ANKS1B: variants seen among roughly 807,000 people sequenced by gnomAD.
ANKS1B encodes the protein ankyrin repeat and sterile alpha motif domain-containing protein 1B.
Under a neutral mutation model 148.3 loss-of-function variants are expected in ANKS1B, and 36 were observed. That is an observed-to-expected ratio of 0.24 (90% confidence interval 0.19 to 0.32). The LOEUF (loss-of-function observed/expected upper bound fraction) is 0.32, where lower values mean the gene tolerates loss of function less well. Ranked by LOEUF, ANKS1B falls within the 10% of genes least tolerant of loss-of-function variation. The pLI is 1.00. For missense variants in ANKS1B, 1,157 were observed against 1,542.6 expected (o/e 0.75, Z 4.19); for synonymous variants, 542 against 560.8 (o/e 0.97, Z 0.47).
chr12:99,052,588 C>T (rs951053201), intron 17 of ANKS1B, among the ~76,000 whole-genome samples: 3 of 148,626 alleles, frequency 2.0e-5, no homozygotes, highest in Non-Finnish European at 3.0e-5. Context: ...ATTAGCCGGG[C>T]GCGGTGGCGG....
At chr12:99,469,898 T>C (rs1458875736) in intron 10 of ANKS1B, among the ~76,000 whole-genome samples, 1 of 151,938 alleles carries the variant, frequency 6.6e-6, no homozygotes, top group Non-Finnish European at 1.5e-5. Flanking sequence ...GGTAGGAGGA[T>C]TGCTTGAGGC....
chr12:99,515,517 C>T (rs7298700), intron 9 of ANKS1B, among the ~76,000 whole-genome samples: 6,203 of 152,132 alleles, frequency 0.041, 437 homozygotes, highest in African/African-American at 0.14. Flanking sequence ...CTCTCTTTTA[C>T]GGTTGAATAG....
At chr12:99,081,466 G>A (rs2049747751) in intron 16 of ANKS1B, among the ~76,000 whole-genome samples, 2 of 152,190 alleles carry the variant, frequency 1.3e-5, no homozygotes, top group Non-Finnish European at 2.9e-5. Flanking sequence ...GAATGCAGAT[G>A]AATGTGCTGG....
chr12:99,215,284 G>A (rs1423155296), intron 14 of ANKS1B, among the ~76,000 whole-genome samples: 4 of 152,220 alleles, frequency 2.6e-5, no homozygotes, highest in African/African-American at 9.7e-5. Flanking sequence ...GCAGAGGTGT[G>A]CTGCCGGGGC....
At chr12:98,872,969 G>C (rs1030446077) in intron 17 of ANKS1B, among the ~76,000 whole-genome samples, 1 of 152,184 alleles carries the variant, frequency 6.6e-6, no homozygotes, top group Admixed American at 6.5e-5. Context: ...ATACAAAGAT[G>C]AGAAGGTCTG....
intron 1 of ANKS1B, among the ~76,000 whole-genome samples, chr12:99,825,954 C>T (rs1283069675): frequency 2.6e-5 from 4 of 152,098 alleles, no homozygotes; most frequent in Non-Finnish European, 5.9e-5. Flanking sequence ...AACAATTTTG[C>T]AGTCATCATT....
At chr12:99,066,837 T>C (rs1044751486) in intron 16 of ANKS1B, among the ~76,000 whole-genome samples, 17 of 152,310 alleles carry the variant, frequency 1.1e-4, no homozygotes, top group African/African-American at 3.8e-4. Flanking sequence ...CAGGAATCTG[T>C]CAGTTTGGTG....
At chr12:99,662,870 A>G (rs1372540085) in intron 8 of ANKS1B, among the ~76,000 whole-genome samples, 1 of 152,092 alleles carries the variant, frequency 6.6e-6, no homozygotes, top group African/African-American at 2.4e-5. Context: ...CACCAAGAAG[A>G]ATAGAATTCT....
intron 8 of ANKS1B, among the ~76,000 whole-genome samples, chr12:99,660,720 T>C (rs1054965346): frequency 6.6e-6 from 1 of 152,162 alleles, no homozygotes; most frequent in Non-Finnish European, 1.5e-5. Context: ...ATCAGAGAAA[T>C]GTTTTTTCAT....
At chr12:99,927,234 C>T (rs2094497252) in intron 1 of ANKS1B, among the ~76,000 whole-genome samples, 1 of 152,120 alleles carries the variant, frequency 6.6e-6, no homozygotes, top group Non-Finnish European at 1.5e-5. Flanking sequence ...CCTGTCTTTC[C>T]CTGACCCCTT....
At chr12:98,870,862 C>T (rs182319740) in intron 17 of ANKS1B, among the ~76,000 whole-genome samples, 2 of 152,124 alleles carry the variant, frequency 1.3e-5, no homozygotes, top group African/African-American at 2.4e-5. Flanking sequence ...TGCCTTTGCC[C>T]GACAGTAACA....
At chr12:99,896,152 A>G (rs2093375906) in intron 1 of ANKS1B, among the ~76,000 whole-genome samples, 1 of 151,168 alleles carries the variant, frequency 6.6e-6, no homozygotes, top group Non-Finnish European at 1.5e-5. Context: ...TATTAACTAC[A>G]GTCCTCATGC....
chr12:99,155,378 C>A (rs1006341835), intron 14 of ANKS1B, among the ~76,000 whole-genome samples: 12 of 152,058 alleles, frequency 7.9e-5, no homozygotes, highest in African/African-American at 2.7e-4. Flanking sequence ...GAAACTGCAT[C>A]GCAATCTTGA....
rs566823328 is a variant in ANKS1B, at chr12:99,221,068, G to A, written c.2419+23274C>T. Among the ~76,000 whole-genome samples the A allele has an allele frequency of 2.8e-4, 43 of 152,148 alleles. 1 individual carries two copies. In the South Asian group the frequency reaches 5.6e-3, roughly 20 times the overall value. ...AAAAATTTGCATGGTGGCCGGGTGC[G>A]GTGGCTCACGCCTTTAATCCCAGCA... On this transcript the variant is annotated intron_variant, in intron 14 of 26. Transcript: ENST00000683438.
At chr12:99,873,804 C>T (rs1312642702) in intron 1 of ANKS1B, among the ~76,000 whole-genome samples, 1 of 152,052 alleles carries the variant, frequency 6.6e-6, no homozygotes, top group Non-Finnish European at 1.5e-5. Flanking sequence ...CCTCTGCAAT[C>T]TAGGTAGGCC....
At chr12:99,440,269 T>C (rs540426163) in intron 11 of ANKS1B, among the ~76,000 whole-genome samples, 63 of 151,980 alleles carry the variant, frequency 4.1e-4, no homozygotes, top group African/African-American at 1.4e-3. Context: ...ATACTTAAGA[T>C]CTGTGTATTT....
chr12:99,718,916 C>T (rs1481187546), intron 8 of ANKS1B, among the ~76,000 whole-genome samples: 1 of 152,052 alleles, frequency 6.6e-6, no homozygotes, highest in African/African-American at 2.4e-5. Flanking sequence ...TCATCCTCAT[C>T]TGTTACCAAT....
At chr12:99,619,953 C>T (rs2098025103) in intron 9 of ANKS1B, among the ~76,000 whole-genome samples, 1 of 152,152 alleles carries the variant, frequency 6.6e-6, no homozygotes, top group African/African-American at 2.4e-5. Flanking sequence ...CTGTGCACTC[C>T]ACACATTCAC....
intron 9 of ANKS1B, among the ~76,000 whole-genome samples, chr12:99,506,550 T>G (rs1423453280): frequency 6.6e-6 from 1 of 152,056 alleles, no homozygotes; most frequent in Non-Finnish European, 1.5e-5. Flanking sequence ...TGAAAGGAAC[T>G]GCAGTGTTCT....
Sources: allele counts gnomAD v4.1 joint callset (sites outside exome capture counted in the v4.1 genomes callset), GRCh38; gene constraint gnomAD v4.1.1; transcripts MANE v1.5; gene names NCBI Gene and HGNC (gene_info 2026-07-23, HGNC 2026-07-21).